CNTNAP4: variants seen among roughly 807,000 people sequenced by gnomAD.
The protein encoded by CNTNAP4 is contactin associated protein family member 4.
A neutral mutation model predicts 148.4 loss-of-function variants in CNTNAP4; 98 were observed. The ratio of observed to expected loss-of-function variants is 0.66; its 90% confidence interval spans 0.56 to 0.78. The LOEUF (loss-of-function observed/expected upper bound fraction) is 0.78. Ranked by LOEUF, CNTNAP4 falls within the 30% of genes least tolerant of loss-of-function variation. The pLI is 0.00. For missense variants in CNTNAP4, 1,935 were observed against 1,565.6 expected (o/e 1.24, Z -3.98); for synonymous variants, 730 against 565.1 (o/e 1.29, Z -4.14).
intron 1 of CNTNAP4, among the ~76,000 whole-genome samples, chr16:76,303,330 G>C (rs1960173486): frequency 6.6e-6 from 1 of 152,034 alleles, no homozygotes; most frequent in Admixed American, 6.6e-5. Context: ...CTTTAAGTGT[G>C]ATACTTTGAG....
intron 17 of CNTNAP4, among the ~76,000 whole-genome samples, chr16:76,525,756 T>TATATC (rs386385109): frequency 6.8e-6 from 1 of 146,578 alleles, no homozygotes; most frequent in African/African-American, 2.5e-5. Flanking sequence ...TAATATAGCT[T>TATATC]ATATATAAAC....
At chr16:76,406,230 A>C (rs1051399904) in intron 3 of CNTNAP4, among the ~76,000 whole-genome samples, 2 of 152,160 alleles carry the variant, frequency 1.3e-5, no homozygotes, top group Non-Finnish European at 2.9e-5. Flanking sequence ...GTGATCTGCA[A>C]TCAGTGATGT....
intron 2 of CNTNAP4, among the ~76,000 whole-genome samples, chr16:76,324,171 G>C (rs997629448): frequency 2.0e-5 from 3 of 152,142 alleles, no homozygotes; most frequent in African/African-American, 4.8e-5. Context: ...TCCCGCCTTA[G>C]GAGATGTCTT....
chr16:76,525,760 TA>T (rs1200440661), intron 17 of CNTNAP4, among the ~76,000 whole-genome samples: 1 of 145,038 alleles, frequency 6.9e-6, no homozygotes, highest in Admixed American at 7.0e-5. Context: ...ATAGCTTATA[TA>T]TAAACAGTAT....
chr16:76,369,750 G>A (rs1205792749), intron 3 of CNTNAP4, among the ~76,000 whole-genome samples: 1 of 152,190 alleles, frequency 6.6e-6, no homozygotes, highest in East Asian at 1.9e-4. Flanking sequence ...GCTGAGGCAG[G>A]AGGATCGCTT....
chr16:76,338,610 C>G, intron 2 of CNTNAP4, among the ~76,000 whole-genome samples: 1 of 152,170 alleles, frequency 6.6e-6, no homozygotes, highest in Non-Finnish European at 1.5e-5. Context: ...CCATTTCAGT[C>G]CCTCTTGTAA....
intron 23 of CNTNAP4, 144 bp downstream of exon 23, chr16:76,554,051 A>G (rs550428265): frequency 3.6e-6 from 2 of 548,014 alleles, no homozygotes; most frequent in Admixed American, 3.4e-5. Flanking sequence ...GTGATTTACT[A>G]TTTGTACTGG....
At chr16:76,443,185 G>T (rs1461713478) in intron 4 of CNTNAP4, among the ~76,000 whole-genome samples, 3 of 151,994 alleles carry the variant, frequency 2.0e-5, no homozygotes, top group African/African-American at 7.3e-5. Flanking sequence ...GCATACTAAT[G>T]AACAAATTCA....
intron 16 of CNTNAP4, among the ~76,000 whole-genome samples, chr16:76,521,831 A>G (rs568747104): frequency 1.5e-4 from 23 of 152,062 alleles, no homozygotes; most frequent in African/African-American, 5.5e-4. Flanking sequence ...TTTCAAAAAC[A>G]TGAATGTATT....
At chr16:76,473,814 G>A (rs2081458427) in intron 10 of CNTNAP4, among the ~76,000 whole-genome samples, 2 of 151,100 alleles carry the variant, frequency 1.3e-5, no homozygotes, top group Non-Finnish European at 1.5e-5. Flanking sequence ...ACCCTATTAT[G>A]TATATATTCT....
chr16:76,306,036 A>G (rs1001801930), intron 1 of CNTNAP4, among the ~76,000 whole-genome samples: 1 of 152,188 alleles, frequency 6.6e-6, no homozygotes, highest in Non-Finnish European at 1.5e-5. Flanking sequence ...TATATGTATC[A>G]CAGTTTCTTT....
rs776924685 is a variant in CNTNAP4, at chr16:76,521,159, T to A, written c.2385T>A (p.Ala795=). 3.1e-6 allele frequency: 5 copies of A among 1,594,294 alleles called. No homozygotes were observed. The Admixed American group carries it at 9.2e-5, about 29-fold the overall frequency. ...CQGDRSFWNS[A]SFDTEASYLH... ...AAACAGGATCATTTTGGAATTCAGCTTCCTTTGATACCGAGGCTTCATATC... is the reference window on the plus strand; with the variant it reads ...AAACAGGATCATTTTGGAATTCAGCATCCTTTGATACCGAGGCTTCATATC... The change falls in exon 16 of 24, where the codon GCT becomes GCA. Residue 795 remains alanine, a synonymous_variant. Coordinates refer to ENST00000611870, the MANE Select transcript of CNTNAP4 (RefSeq NM_033401.5).
At chr16:76,348,854 A>G (rs1413470405) in intron 2 of CNTNAP4, among the ~76,000 whole-genome samples, 1 of 12,922 alleles carries the variant, frequency 7.7e-5, no homozygotes, top group Non-Finnish European at 1.5e-4. Flanking sequence ...CATTAAAAGA[A>G]GCCAAAAAAA....
chr16:76,358,020 G>A (rs2012913514), intron 3 of CNTNAP4, among the ~76,000 whole-genome samples: 1 of 152,070 alleles, frequency 6.6e-6, no homozygotes, highest in Admixed American at 6.6e-5. Context: ...TTTCTGGAAG[G>A]TATCAAAAGT....
At chr16:76,378,239 T>C (rs1294197538) in intron 3 of CNTNAP4, among the ~76,000 whole-genome samples, 1 of 152,148 alleles carries the variant, frequency 6.6e-6, no homozygotes, top group Non-Finnish European at 1.5e-5. Context: ...TTGCACAATA[T>C]ATCCATGTAA....
chr16:76,368,337 A>G (rs1263760239), intron 3 of CNTNAP4, among the ~76,000 whole-genome samples: 1 of 152,222 alleles, frequency 6.6e-6, no homozygotes, highest in Non-Finnish European at 1.5e-5. Context: ...GTCACTGAAA[A>G]GGATTATAAG....
At chr16:76,393,727 G>T (rs973652345) in intron 3 of CNTNAP4, among the ~76,000 whole-genome samples, 1 of 152,086 alleles carries the variant, frequency 6.6e-6, no homozygotes, top group Non-Finnish European at 1.5e-5. Flanking sequence ...TGGGGCAGAG[G>T]GTATCCTGGG....
rs559425904 is a variant in CNTNAP4 at position 76,449,637 on chromosome 16, C to T, written c.928-78C>T. 3 of 1,198,050 alleles carry T rather than the reference C, an allele frequency of 2.5e-6. No individual in the cohort carries two copies. The South Asian group carries it at 4.9e-5, about 20-fold the overall frequency. The allele number at this position is 1,198,050 out of a possible 1,614,324, so 74.2% of individuals were successfully genotyped here. On this transcript the variant is annotated intron_variant, in intron 6 of 23. Coordinates refer to ENST00000611870, the MANE Select transcript of CNTNAP4 (RefSeq NM_033401.5). ...ATTGATCTGTGTGTGATGATTATAG[C>T]TATACTTGCTAATCATAATTAAGCA...
At chr16:76,449,903 T>C (rs2080396471) in intron 7 of CNTNAP4, 45 bp downstream of exon 7, 1 of 1,513,432 alleles carries the variant, frequency 6.6e-7, no homozygotes, top group African/African-American at 1.4e-5. Context: ...ATATTTCTTT[T>C]TTCCACACAG....
Sources: gnomAD v4.1 joint callset for allele counts (sites outside exome capture counted in the v4.1 genomes callset) on GRCh38, gnomAD v4.1.1 for gene constraint, MANE v1.5 for transcripts, NCBI Gene and HGNC (gene_info 2026-07-23, HGNC 2026-07-21) for gene names.